TIMM44: variants seen among roughly 807,000 people sequenced by gnomAD.
The protein encoded by TIMM44 is translocase of inner mitochondrial membrane 44, also known as mitochondrial import inner membrane translocase subunit TIM44.
Under a neutral mutation model 63.8 loss-of-function variants are expected in TIMM44, and 37 were observed. The ratio of observed to expected loss-of-function variants is 0.58; its 90% CI spans 0.45 to 0.76. The LOEUF (loss-of-function observed/expected upper bound fraction) is 0.76. Ranked by LOEUF, TIMM44 falls within the 30% of genes least tolerant of loss-of-function variation. The probability of loss-of-function intolerance (pLI) is 0.00; values close to 1 mark genes in which losing one functional copy is unlikely to be tolerated. For synonymous variants in TIMM44, 239 were observed against 245.1 expected, an observed-to-expected ratio of 0.98 and a Z score of 0.23; for missense variants, 573 against 603.8, an observed-to-expected ratio of 0.95 and a Z score of 0.54.
Position 7,943,542 on chromosome 19 carries a change from G to C in TIMM44, c.45+65C>G. 1 of 1,525,770 alleles carries C rather than the reference G, an allele frequency of 6.6e-7. No homozygotes were observed. 94.5% of individuals were successfully genotyped at this position (1,525,770 alleles called of 1,614,324 possible). A position where few individuals can be genotyped will look rare whatever the true frequency, so the allele number is the denominator to read the frequency against. On this transcript the variant is annotated intron_variant, in intron 1 of 12. Transcript: ENST00000270538. The surrounding 1 kb of genome is among the most constrained non-coding windows in gnomAD (Gnocchi z 4.3). ...CGAAGGCCAAGGGTCTGAGAAGAAA[G>C]CCTTGGTGGCCGAAGGCCCAGAAGA...
rs1274775448 is a variant in TIMM44, at chr19:7,943,491, T to C, written c.45+116A>G. ...GCTACCCAAAGATCTAACCCCAAGC[T>C]TTCTAAGGAGCCCAAGCAAGGGTCG... On this transcript the variant is annotated intron_variant, in intron 1 of 12. Coordinates refer to ENST00000270538, the MANE Select transcript of TIMM44 (RefSeq NM_006351.4). The surrounding 1 kb of genome is among the most constrained non-coding windows in gnomAD (Gnocchi z 4.3). 2 of 1,250,882 alleles carry C rather than the reference T, an allele frequency of 1.6e-6. No homozygotes were observed. The highest frequency in any genetic ancestry group is 3.0e-5 in the African/African-American group (2 of 67,294). 77.5% of individuals were successfully genotyped at this position (1,250,882 alleles called of 1,614,324 possible). A position where few individuals can be genotyped will look rare whatever the true frequency, so the allele number is the denominator to read the frequency against.
intron 3 of TIMM44, among the ~76,000 whole-genome samples, chr19:7,937,148 G>A (rs1349964027): frequency 3.3e-5 from 5 of 151,864 alleles, no homozygotes; most frequent in African/African-American, 7.3e-5. Context: ...GTGTGGTGGC[G>A]GGCGCCTGTA....
rs1313756283 is a variant in TIMM44 at position 7,943,586 on chromosome 19, C to A, written c.45+21G>T. The A allele has an allele frequency of 6.4e-7, 1 of 1,563,430 alleles. No individual in the cohort carries two copies. The highest frequency in any genetic ancestry group is 8.6e-7 in the Non-Finnish European group (1 of 1,160,780). On this transcript the variant is annotated intron_variant, in intron 1 of 12. Transcript: ENST00000270538. This position sits in a 1 kb window ranked among gnomAD's most constrained non-coding sequence, Gnocchi z 4.3. ...CAGAAGACCCCTAAGCTCGCCCTGC[C>A]AGCGCCGCACCGCCGCTCACCCGTG...
chr19:7,933,034 CTGACACGG>C lies in TIMM44; in HGVS notation c.770-110_770-103del. Reference sequence around the variant, plus strand: ...CCCTGTGACCCCTGCGGGATCCACCCTGACACGGGTGGGGTCAGGGAGGGGACGGCTGT... The same window carrying C: ...CCCTGTGACCCCTGCGGGATCCACCCGTGGGGTCAGGGAGGGGACGGCTGT... On this transcript the variant is annotated intron_variant, in intron 7 of 12. Transcript: ENST00000270538. This position sits in a 1 kb window ranked among gnomAD's most constrained non-coding sequence, Gnocchi z 4.3. 1.1e-6 allele frequency: 1 copy of C among 947,082 alleles called. No homozygotes were observed. Among genetic ancestry groups the C allele is most frequent in the Non-Finnish European group, 1.7e-6 (1 of 598,908 alleles). The allele number at this position is 947,082 out of a possible 1,614,324, so 58.7% of individuals were successfully genotyped here. A position where few individuals can be genotyped will look rare whatever the true frequency, so the allele number is the denominator to read the frequency against.
intron 3 of TIMM44, among the ~76,000 whole-genome samples, chr19:7,935,725 C>A (rs1984133945): frequency 6.6e-6 from 1 of 152,214 alleles, no homozygotes; most frequent in Non-Finnish European, 1.5e-5. Flanking sequence ...TCACCTTTCA[C>A]CGGGTGGTAG....
chr19:7,941,207 G>C lies in TIMM44; in HGVS notation c.46-10C>G. The stretch of plus-strand genomic sequence containing the variant: ...CACTGCCGAGGCATCTCTAATTGGG[G>C]GGAGAGAAGAGAAAGATCCATTCTA... On this transcript the variant is annotated splice_polypyrimidine_tract_variant and intron_variant, in intron 1 of 12. Transcript: ENST00000270538. The C allele has an allele frequency of 6.2e-7, 1 of 1,602,472 alleles. No individual in the cohort carries two copies. The highest frequency in any genetic ancestry group is 8.6e-7 in the Non-Finnish European group (1 of 1,169,426).
Position 7,928,160 on chromosome 19 carries a change from T to G in TIMM44, c.1045A>C (p.Ser349Arg). The change falls in exon 11 of 13, where the codon AGC (serine) becomes CGC (arginine). Residue 349 changes from serine (S) to arginine (R), a missense_variant. Physicochemically the swap from Ser to Arg is moderately radical, Grantham distance 110. Coordinates refer to ENST00000270538, the MANE Select transcript of TIMM44 (RefSeq NM_006351.4). ...LKDWCYEATYSQLAHPIQQAK... is the reference protein window; with the variant it reads ...LKDWCYEATYRQLAHPIQQAK... The stretch of plus-strand genomic sequence containing the variant: ...TGCTGGATGGGGTGGGCCAGCTGGC[T>G]GTAAGTCTGCAATGAGAGGCCGACA... 6.2e-7 allele frequency: 1 copy of G among 1,613,570 alleles called. No individual in the cohort carries two copies.
At chr19:7,938,578 G>T (rs1306111134) in intron 2 of TIMM44, among the ~76,000 whole-genome samples, 1 of 152,066 alleles carries the variant, frequency 6.6e-6, no homozygotes, top group Non-Finnish European at 1.5e-5. Flanking sequence ...AGGCTGAGGC[G>T]GGCAGATCAC....
chr19:7,927,303 T>C lies in TIMM44; in HGVS notation c.1243A>G (p.Lys415Glu), dbSNP rs1461581409. 1 of 1,604,234 alleles carries C rather than the reference T, an allele frequency of 6.2e-7. No homozygotes were observed. The highest frequency in any genetic ancestry group is 8.5e-7 in the Non-Finnish European group (1 of 1,176,854). The change falls in exon 13 of 13, where the codon AAG becomes GAG. Residue 415 changes from lysine (K) to glutamate (E), a missense_variant. Physicochemically the swap from Lys to Glu is moderately conservative, Grantham distance 56. Coordinates refer to ENST00000270538, the MANE Select transcript of TIMM44 (RefSeq NM_006351.4). ...CACACGTACAGCATCCGCAGCACCT[T>C]GTCCTGCAGGGTGGGGTGGGAAGGG... ...KGEVVEGDPD[K>E]VLRMLYVWAL...
Position 7,927,169 on chromosome 19 carries a change from C to A in TIMM44, c.*18G>T, listed in dbSNP as rs1338250928. ...GCCTGATGACCCAGGCCGGGGCTAC[C>A]TGGCTCCGGCACCACACTCAGAGAA... On this transcript the variant is annotated 3_prime_UTR_variant, in exon 13 of 13. Coordinates refer to ENST00000270538, the MANE Select transcript of TIMM44 (RefSeq NM_006351.4). 4 of 1,601,926 alleles carry A rather than the reference C, an allele frequency of 2.5e-6. No individual in the cohort carries two copies. Among genetic ancestry groups the A allele is most frequent in the Non-Finnish European group, 3.4e-6 (4 of 1,178,340 alleles).
At position 7,934,248 on chromosome 19, in the gene TIMM44, C is replaced by G. The variant is rs771600122; in HGVS notation, c.394-10G>C. Reference sequence around the variant, plus strand: ...TGACTTCGTGAAGGCTCTACTGAGACAGACACAGAGAGGGGGCGTTGGCAC... The same window carrying G: ...TGACTTCGTGAAGGCTCTACTGAGAGAGACACAGAGAGGGGGCGTTGGCAC... On this transcript the variant is annotated splice_polypyrimidine_tract_variant and intron_variant, in intron 4 of 12. Coordinates refer to ENST00000270538, the MANE Select transcript of TIMM44 (RefSeq NM_006351.4). The surrounding 1 kb of genome is among the most constrained non-coding windows in gnomAD (Gnocchi z 5.3). 1 of 1,610,862 alleles carries G rather than the reference C, an allele frequency of 6.2e-7. No individual in the cohort carries two copies.
rs1983932044 is a variant in TIMM44 at position 7,929,913 on chromosome 19, A to G, written c.1038+1225T>C. ...GCCCAGGCTGGAGTGCAGTGGTGCA[A>G]TCTCGGCTCACTGCAGCCTCCGCCT... On this transcript the variant is annotated intron_variant, in intron 10 of 12. Transcript: ENST00000270538. Among the ~76,000 whole-genome samples, 3 of 151,944 alleles carry G rather than the reference A, an allele frequency of 2.0e-5. No homozygotes were observed. In the South Asian group the frequency reaches 6.2e-4, roughly 32 times the overall value.
rs1424382501 is a variant in TIMM44 at position 7,928,180 on chromosome 19, C to A, written c.1039-14G>T. 6.2e-7 allele frequency: 1 copy of A among 1,610,906 alleles called. No homozygotes were observed. Among genetic ancestry groups the A allele is most frequent in the South Asian group, 1.1e-5 (1 of 90,766 alleles). ...CTGGCTGTAAGTCTGCAATGAGAGG[C>A]CGACACGCCTGCGTGATGCCACCCA... On this transcript the variant is annotated splice_polypyrimidine_tract_variant and intron_variant, in intron 10 of 12. Transcript: ENST00000270538.
At position 7,926,802 on chromosome 19, in the gene TIMM44, G is replaced by T. The variant is rs999885054; in HGVS notation, c.*385C>A. ...AAGAGCACTGTTAAAATTAAAAAAT[G>T]GACCTAAAGTGGCTTGGCTGACGTG... On this transcript the variant is annotated 3_prime_UTR_variant, in exon 13 of 13. Transcript: ENST00000270538. 10 of 304,536 alleles carry T rather than the reference G, an allele frequency of 3.3e-5. No individual in the cohort carries two copies. The highest frequency in any genetic ancestry group is 6.5e-5 in the Non-Finnish European group (10 of 154,838). 18.9% of individuals were successfully genotyped at this position (304,536 alleles called of 1,614,324 possible). A position where few individuals can be genotyped will look rare whatever the true frequency, so the allele number is the denominator to read the frequency against.
At position 7,933,602 on chromosome 19, in the gene TIMM44, GC is replaced by G; in HGVS notation, c.684-33del. On this transcript the variant is annotated intron_variant, in intron 6 of 12. Transcript: ENST00000270538. This position sits in a 1 kb window ranked among gnomAD's most constrained non-coding sequence, Gnocchi z 4.3. ...AAGAGGGTGGGCCCTGGGGTGAGCG[GC>G]GGCGCCAGGGCCACCCTGTGCCCTC... 1 of 1,590,440 alleles carries G rather than the reference GC, an allele frequency of 6.3e-7. No individual in the cohort carries two copies. The highest frequency in any genetic ancestry group is 8.6e-7 in the Non-Finnish European group (1 of 1,158,766).
rs778114281 is a variant in TIMM44, at chr19:7,934,290, G to C, written c.394-52C>G. On this transcript the variant is annotated intron_variant, in intron 4 of 12. Coordinates refer to ENST00000270538, the MANE Select transcript of TIMM44 (RefSeq NM_006351.4). This position sits in a 1 kb window ranked among gnomAD's most constrained non-coding sequence, Gnocchi z 5.3. ...CGTTGGCACCGGCCCTGGCGGCCGG[G>C]GGGCGGGGCAGGAGGAATGAATTCC... 3.8e-5 allele frequency: 61 copies of C among 1,601,676 alleles called. No individual in the cohort carries two copies. The highest frequency in any genetic ancestry group is 5.2e-5 in the Non-Finnish European group (61 of 1,177,928).
rs1408114581 is a variant in TIMM44, at chr19:7,938,213, A to G, written c.142-16T>C. ...ATGATTTGGACTAGAAAGAATGTAC[A>G]AGAAAAAAAATTTAAAGAACATAGT... On this transcript the variant is annotated splice_polypyrimidine_tract_variant and intron_variant, in intron 2 of 12. Transcript: ENST00000270538. 18 of 1,607,250 alleles carry G rather than the reference A, an allele frequency of 1.1e-5. No individual in the cohort carries two copies. Among genetic ancestry groups the G allele is most frequent in the Non-Finnish European group, 1.4e-5 (17 of 1,176,912 alleles).
In TIMM44 at chr19:7,934,974, C is replaced by G; in HGVS notation, c.393+91G>C. ...CATGCCACCCACTGCTGCCAAGCCA[C>G]CCCCACCCAGGAGCCGACTCTTCCT... On this transcript the variant is annotated intron_variant, in intron 4 of 12. Transcript: ENST00000270538. This position sits in a 1 kb window ranked among gnomAD's most constrained non-coding sequence, Gnocchi z 5.3. The G allele has an allele frequency of 1.6e-6, 2 of 1,255,882 alleles. No homozygotes were observed. The highest frequency in any genetic ancestry group is 3.9e-5 in the Admixed American group (2 of 51,048). The allele number at this position is 1,255,882 out of a possible 1,614,324, so 77.8% of individuals were successfully genotyped here.
chr19:7,932,562 C>A, intron 9 of TIMM44, 65 bp downstream of exon 9: 3 of 1,567,386 alleles, frequency 1.9e-6, no homozygotes, highest in Admixed American at 3.5e-5. Flanking sequence ...GTGCCGGCTG[C>A]GGCGGGGGAG....
Sources: gnomAD v4.1 joint callset for allele counts (sites outside exome capture counted in the v4.1 genomes callset) on GRCh38, gnomAD v4.1.1 for gene constraint, Gnocchi (gnomAD v3.1) non-coding constraint, MANE v1.5 for transcripts, NCBI Gene and HGNC (gene_info 2026-07-23, HGNC 2026-07-21) for gene names.